Variants in ATP5PF observed in about 807,000 individuals in gnomAD.
ATP5PF encodes ATP synthase peripheral stalk subunit F6.
ATP5PF carries 7 observed loss-of-function variants against 12.0 expected under a neutral mutation model. That is an observed-to-expected ratio of 0.58 (90% confidence interval 0.33 to 1.10). ATP5PF has a LOEUF of 1.10. Ranked by LOEUF, ATP5PF falls within the 50% of genes least tolerant of loss-of-function variation. The probability of loss-of-function intolerance (pLI) is 0.03; values close to 1 mark genes in which losing one functional copy is unlikely to be tolerated. For synonymous variants in ATP5PF, 41 were observed against 45.4 expected (o/e 0.90, Z 0.39); for missense variants, 120 against 127.7 (o/e 0.94, Z 0.29).
At chr21:25,733,324 T>TC (rs935242582) in intron 1 of ATP5PF, among the ~76,000 whole-genome samples, 2 of 152,038 alleles carry the variant, frequency 1.3e-5, no homozygotes, top group African/African-American at 4.8e-5. Flanking sequence ...GGTCAGGAGA[T>TC]CGAGACCATC....
At chr21:25,728,490 A>ATAC (rs1022456469) in intron 2 of ATP5PF, among the ~76,000 whole-genome samples, 1 of 152,162 alleles carries the variant, frequency 6.6e-6, no homozygotes, top group African/African-American at 2.4e-5. Context: ...CTCCTAAAAG[A>ATAC]TACTCTCCTC....
In ATP5PF at chr21:25,724,638, C is replaced by A. The variant is rs768771738; in HGVS notation, c.*2G>T. 1 of 1,601,996 alleles carries A rather than the reference C, an allele frequency of 6.2e-7. No homozygotes were observed. Among genetic ancestry groups the A allele is most frequent in the African/African-American group, 1.4e-5 (1 of 73,928 alleles). ...TTACCAGATTAATTTTACTTTATTT[C>A]TTCAGGCCTGGGGTTTTTCGATGAC... On this transcript the variant is annotated 3_prime_UTR_variant, in exon 4 of 4. Transcript: ENST00000284971.
chr21:25,725,437 T>A (rs1462148068), intron 2 of ATP5PF, 87 bp from the exon 3 acceptor site: 11 of 1,278,978 alleles, frequency 8.6e-6, no homozygotes, highest in Non-Finnish European at 1.1e-5. Flanking sequence ...TTCCAACAGA[T>A]CTTTTTTTTT....
chr21:25,729,025 G>A (rs953926231), intron 2 of ATP5PF, among the ~76,000 whole-genome samples: 1 of 152,100 alleles, frequency 6.6e-6, no homozygotes, highest in Non-Finnish European at 1.5e-5. Context: ...TGACAGCTAA[G>A]GTGGTCATTC....
chr21:25,726,982 T>C (rs922138938), intron 2 of ATP5PF, among the ~76,000 whole-genome samples: 2 of 152,264 alleles, frequency 1.3e-5, no homozygotes, highest in African/African-American at 2.4e-5. Flanking sequence ...AGATTAGCAC[T>C]GTCCAATAGA....
Position 25,725,086 on chromosome 21 carries a change from C to T in ATP5PF, c.289+140G>A, listed in dbSNP as rs533433413. ...CTTATTCTAACAGCAAACATTTAGC[C>T]GGCAGCTTCTCAGGCACACGTCATG... On this transcript the variant is annotated intron_variant, in intron 3 of 3. Transcript: ENST00000284971. 2.6e-5 allele frequency: 29 copies of T among 1,121,918 alleles called. No individual in the cohort carries two copies. In the African/African-American group the frequency reaches 3.3e-4, roughly 13 times the overall value. The allele number at this position is 1,121,918 out of a possible 1,614,324, so 69.5% of individuals were successfully genotyped here.
In ATP5PF at chr21:25,725,287, A is replaced by G; in HGVS notation, c.228T>C (p.Phe76=). ...EYQQELEREL[F]KLKQMFGNAD... Reference sequence around the variant, plus strand: ...CATTACCAAACATTTGCTTGAGCTTAAAAAGCTCCCTCTCCAGCTCTTGCT... The same window carrying G: ...CATTACCAAACATTTGCTTGAGCTTGAAAAGCTCCCTCTCCAGCTCTTGCT... The change falls in exon 3 of 4, where the codon TTT becomes TTC. Residue 76 remains phenylalanine (F), a synonymous_variant. Coordinates refer to ENST00000284971, the MANE Select transcript of ATP5PF (RefSeq NM_001003703.2). The G allele has an allele frequency of 1.9e-6, 3 of 1,613,354 alleles. No homozygotes were observed. The East Asian group carries it at 6.7e-5, about 36-fold the overall frequency.
intron 2 of ATP5PF, 146 bp from the exon 3 acceptor site, chr21:25,725,496 G>A (rs2034594936): frequency 7.8e-6 from 7 of 900,340 alleles, no homozygotes; most frequent in Non-Finnish European, 1.1e-5. Flanking sequence ...CTGGAGTGCG[G>A]TAGCATGATC....
At chr21:25,729,251 C>A (rs1217312659) in intron 2 of ATP5PF, among the ~76,000 whole-genome samples, 1 of 152,092 alleles carries the variant, frequency 6.6e-6, no homozygotes, top group Non-Finnish European at 1.5e-5. Flanking sequence ...TATTTTTCCC[C>A]AATTAGTTTT....
At chr21:25,733,750 G>T (rs1373844200) in intron 1 of ATP5PF, among the ~76,000 whole-genome samples, 1 of 152,162 alleles carries the variant, frequency 6.6e-6, no homozygotes, top group Non-Finnish European at 1.5e-5. Flanking sequence ...CTCTCAAAGA[G>T]TTAAAGTGTT....
chr21:25,724,617 C>T lies in ATP5PF; in HGVS notation c.*23G>A, dbSNP rs1036291223. ...GTACAACTAATCCGTGACAAATTACCAGATTAATTTTACTTTATTTCTTCA... is the reference window on the plus strand; with the variant it reads ...GTACAACTAATCCGTGACAAATTACTAGATTAATTTTACTTTATTTCTTCA... On this transcript the variant is annotated 3_prime_UTR_variant, in exon 4 of 4. Transcript: ENST00000284971. 1.4e-5 allele frequency: 23 copies of T among 1,602,150 alleles called. No individual in the cohort carries two copies. The highest frequency in any genetic ancestry group is 2.0e-5 in the Non-Finnish European group (23 of 1,175,798).
intron 1 of ATP5PF, among the ~76,000 whole-genome samples, chr21:25,733,906 T>C (rs1246052028): frequency 6.6e-6 from 1 of 152,238 alleles, no homozygotes; most frequent in Non-Finnish European, 1.5e-5. Flanking sequence ...GTTTCAATTA[T>C]CCACCATGTA....
At chr21:25,732,704 G>A (rs1203448666) in intron 1 of ATP5PF, among the ~76,000 whole-genome samples, 3 of 151,330 alleles carry the variant, frequency 2.0e-5, no homozygotes, top group Non-Finnish European at 2.9e-5. Flanking sequence ...GATGGCTCAC[G>A]CCTGTAATCC....
chr21:25,735,652 AC>A (rs2035023272), upstream of ATP5PF: 1 of 151,418 alleles, frequency 6.6e-6, no homozygotes, highest in African/African-American at 2.4e-5. Flanking sequence ...CTTTTCCCCC[AC>A]AAGGGCCCCC....
intron 1 of ATP5PF, among the ~76,000 whole-genome samples, chr21:25,732,645 C>CA (rs1279087632): frequency 0.023 from 2,754 of 119,406 alleles, 72 homozygotes; most frequent in African/African-American, 0.072. Flanking sequence ...AACCCTGTCT[C>CA]AAAAAAAAAA....
At chr21:25,730,518 G>A (rs1044719686) in intron 1 of ATP5PF, among the ~76,000 whole-genome samples, 18 of 152,072 alleles carry the variant, frequency 1.2e-4, no homozygotes, top group African/African-American at 4.3e-4. Flanking sequence ...TGGATCACCT[G>A]AGGTTGGGAA....
chr21:25,730,973 G>A (rs1366934784), intron 1 of ATP5PF, among the ~76,000 whole-genome samples: 3 of 152,044 alleles, frequency 2.0e-5, no homozygotes, highest in South Asian at 4.1e-4. Context: ...GGCCAGGCAC[G>A]GTGGCTCATG....
chr21:25,725,542 C>T (rs2034596025), intron 2 of ATP5PF, among the ~76,000 whole-genome samples, 192 bp from the exon 3 acceptor site: 2 of 151,938 alleles, frequency 1.3e-5, no homozygotes, highest in South Asian at 4.2e-4. Context: ...CTGGTTCAAG[C>T]GATTCTCCTG....
At chr21:25,730,796 C>A (rs541871161) in intron 1 of ATP5PF, among the ~76,000 whole-genome samples, 163 of 127,758 alleles carry the variant, frequency 1.3e-3, no homozygotes, top group African/African-American at 4.2e-3. Context: ...CTTTCAAATC[C>A]CTAGACTTCC....
Sources: allele counts gnomAD v4.1 joint callset (sites outside exome capture counted in the v4.1 genomes callset), GRCh38; gene constraint gnomAD v4.1.1; transcripts MANE v1.5; gene names NCBI Gene and HGNC (gene_info 2026-07-23, HGNC 2026-07-21).